Variants in SHROOM4 observed in about 807,000 individuals in gnomAD.
SHROOM4 encodes the protein shroom family member 4, also known as protein Shroom4.
Under a neutral mutation model 80.3 loss-of-function variants are expected in SHROOM4, and 17 were observed. The observed-to-expected ratio is 0.21, with a 90% CI of 0.14 to 0.32. The LOEUF is 0.32. Ranked by LOEUF, SHROOM4 falls within the 10% of genes least tolerant of loss-of-function variation. The pLI is 1.00. For synonymous variants in SHROOM4, 400 were observed against 437.5 expected, an observed-to-expected ratio of 0.91 and a Z score of 1.07; for missense variants, 993 against 1,140.3, an observed-to-expected ratio of 0.87 and a Z score of 1.86.
At chrX:50,709,002 C>A (rs1933745670) in intron 1 of SHROOM4, among the ~76,000 whole-genome samples, 1 of 111,127 alleles carries the variant, frequency 9.0e-6, no homozygotes, top group Non-Finnish European at 1.9e-5. Flanking sequence ...GAATTTCCTT[C>A]TTTAGAGTGG....
At chrX:50,728,326 T>C (rs1934287843) in intron 1 of SHROOM4, among the ~76,000 whole-genome samples, 1 of 110,210 alleles carries the variant, frequency 9.1e-6, no homozygotes, top group African/African-American at 3.3e-5. Context: ...ACCACTGCAC[T>C]CCAGCCTGGG....
intron 1 of SHROOM4, among the ~76,000 whole-genome samples, chrX:50,702,267 C>T (rs1375452703): frequency 2.7e-5 from 3 of 111,758 alleles, no homozygotes; most frequent in African/African-American, 9.8e-5. Context: ...ACGTTGCTGG[C>T]AGGAGTATAA....
intron 5 of SHROOM4, among the ~76,000 whole-genome samples, chrX:50,622,674 T>G (rs1231237368): frequency 9.0e-6 from 1 of 111,730 alleles, no homozygotes; most frequent in Non-Finnish European, 1.9e-5. Context: ...ATAGTAAATG[T>G]TAAAATTTGT....
intron 2 of SHROOM4, among the ~76,000 whole-genome samples, chrX:50,654,216 C>T (rs1164337523): frequency 1.8e-5 from 2 of 111,492 alleles, no homozygotes; most frequent in African/African-American, 6.5e-5. Flanking sequence ...ATCACAGCTG[C>T]CCTTGTCAGG....
intron 1 of SHROOM4, among the ~76,000 whole-genome samples, chrX:50,748,117 G>A (rs1557267788): frequency 9.0e-6 from 1 of 111,688 alleles, no homozygotes; most frequent in Non-Finnish European, 1.9e-5. Context: ...ATATATGATA[G>A]TATCCTGAAA....
intron 1 of SHROOM4, among the ~76,000 whole-genome samples, chrX:50,771,004 GA>G: frequency 8.9e-6 from 1 of 111,790 alleles, no homozygotes; most frequent in Middle Eastern, 4.6e-3. Flanking sequence ...CTGGCTGCTA[GA>G]AAAACAGGAA....
chrX:50,740,319 T>G (rs1484141874), intron 1 of SHROOM4, among the ~76,000 whole-genome samples: 1 of 111,189 alleles, frequency 9.0e-6, no homozygotes, highest in Non-Finnish European at 1.9e-5. Context: ...CCCTAGAACT[T>G]AAAGTATAAT....
intron 1 of SHROOM4, among the ~76,000 whole-genome samples, chrX:50,726,517 G>A (rs1480376423): frequency 1.8e-5 from 2 of 112,202 alleles, no homozygotes; most frequent in Non-Finnish European, 3.8e-5. Flanking sequence ...GCTTGGGCCG[G>A]GCCCAAGGCC....
At chrX:50,797,761 A>C (rs2147722308) in intron 1 of SHROOM4, among the ~76,000 whole-genome samples, 1 of 111,605 alleles carries the variant, frequency 9.0e-6, no homozygotes, top group East Asian at 2.8e-4. Context: ...GGATTCAGGA[A>C]GACAGGCAGT....
intron 2 of SHROOM4, among the ~76,000 whole-genome samples, chrX:50,645,223 C>T (rs782241239): frequency 1.3e-4 from 15 of 111,963 alleles, no homozygotes; most frequent in African/African-American, 4.9e-4. Context: ...GTGATAACCA[C>T]ATTCTGAGTG....
intron 1 of SHROOM4, among the ~76,000 whole-genome samples, chrX:50,749,335 A>C (rs1305033933): frequency 8.9e-6 from 1 of 112,514 alleles, no homozygotes; most frequent in Non-Finnish European, 1.9e-5. Flanking sequence ...CAGAATAAAT[A>C]AGTCAGTCAC....
chrX:50,724,315 C>A (rs1236096391), intron 1 of SHROOM4, among the ~76,000 whole-genome samples: 2 of 112,334 alleles, frequency 1.8e-5, no homozygotes, highest in Non-Finnish European at 3.8e-5. Flanking sequence ...GCCCTGCTGA[C>A]ATGTTGGTTT....
intron 2 of SHROOM4, among the ~76,000 whole-genome samples, chrX:50,671,160 G>C (rs1405241678): frequency 2.7e-5 from 3 of 111,786 alleles, no homozygotes; most frequent in Non-Finnish European, 3.8e-5. Context: ...CAGTAACCCT[G>C]CTGTAAACAG....
chrX:50,728,133 G>A (rs1303366641), intron 1 of SHROOM4, among the ~76,000 whole-genome samples: 1 of 111,107 alleles, frequency 9.0e-6, no homozygotes, highest in Non-Finnish European at 1.9e-5. Context: ...GCTGAGGTGG[G>A]CGGTTCACGA....
chrX:50,747,386 T>C (rs1237737876), intron 1 of SHROOM4, among the ~76,000 whole-genome samples: 1 of 112,094 alleles, frequency 8.9e-6, no homozygotes, highest in African/African-American at 3.2e-5. Context: ...ATGGGAAATA[T>C]CCAGAAAACC....
At position 50,638,285 on chromosome X, in the gene SHROOM4, G is replaced by T. The variant is rs1455083919; in HGVS notation, c.293C>A (p.Pro98Gln). The change falls in exon 3 of 9, where the codon CCG becomes CAG. Residue 98 changes from proline (P) to glutamine (Q), a missense_variant. Coordinates refer to ENST00000376020, the MANE Select transcript of SHROOM4 (RefSeq NM_020717.5). ...CAGCTTGGCCACATGCCATGAGTGC[G>T]GCCTACTGACAGGGGCGTTCCTCCT... ...VRRRNAPVSR[P>Q]HSWHVAKLLE... is the part of the protein sequence containing the mutation. 8.3e-7 allele frequency: 1 copy of T among 1,210,255 alleles called. No homozygotes were observed. Among genetic ancestry groups the T allele is most frequent in the Non-Finnish European group, 1.1e-6 (1 of 895,176 alleles).
chrX:50,730,035 T>G (rs903054584), intron 1 of SHROOM4, among the ~76,000 whole-genome samples: 3 of 112,078 alleles, frequency 2.7e-5, no homozygotes, highest in African/African-American at 6.5e-5. Context: ...AGAGAGTAAT[T>G]TGAATTTTCA....
chrX:50,669,035 T>A (rs1932762708), intron 2 of SHROOM4, among the ~76,000 whole-genome samples: 1 of 112,671 alleles, frequency 8.9e-6, no homozygotes, highest in Non-Finnish European at 1.9e-5. Flanking sequence ...CAAACCTTGA[T>A]GAAAGAATAC....
the SHROOM4 span, among the ~76,000 whole-genome samples, chrX:50,578,514 C>T: frequency 9.0e-6 from 1 of 111,451 alleles, no homozygotes; most frequent in African/African-American, 3.3e-5. Flanking sequence ...ACCGTGTTAG[C>T]CAGGATGGTC....
Sources: gnomAD v4.1 joint callset for allele counts (sites outside exome capture counted in the v4.1 genomes callset) on GRCh38, gnomAD v4.1.1 for gene constraint, MANE v1.5 for transcripts, NCBI Gene and HGNC (gene_info 2026-07-23, HGNC 2026-07-21) for gene names.